The following CABCOCO1 variants were observed in gnomAD, a reference collection of about 807,000 sequenced individuals.
The protein encoded by CABCOCO1 is ciliary-associated calcium-binding coiled-coil protein 1.
CABCOCO1 carries 28 observed loss-of-function variants against 35.7 expected under a neutral mutation model. That is an observed-to-expected ratio of 0.78 (90% CI 0.58 to 1.07). The LOEUF is 1.07. Among genes scored for constraint, CABCOCO1 ranks in the 50% least tolerant of loss-of-function variants. CABCOCO1 has a pLI of 0.00. For missense variants in CABCOCO1, 326 were observed against 309.2 expected (o/e 1.05, Z -0.41); for synonymous variants, 95 against 100.1 (o/e 0.95, Z 0.30).
At chr10:61,689,370 T>G (rs754945108) in intron 4 of CABCOCO1, among the ~76,000 whole-genome samples, 1 of 152,206 alleles carries the variant, frequency 6.6e-6, no homozygotes, top group Non-Finnish European at 1.5e-5. Context: ...TGTCAAAAGC[T>G]AAGTTACTTT....
At chr10:61,719,342 TA>T (rs1353965016) in intron 5 of CABCOCO1, among the ~76,000 whole-genome samples, 1 of 152,152 alleles carries the variant, frequency 6.6e-6, no homozygotes, top group Non-Finnish European at 1.5e-5. Flanking sequence ...GAGCAATTAT[TA>T]GGTGCAATAT....
intron 1 of CABCOCO1, among the ~76,000 whole-genome samples, chr10:61,663,824 TAAA>T (rs5785491): frequency 2.0e-5 from 3 of 151,618 alleles, no homozygotes; most frequent in East Asian, 1.9e-4. Flanking sequence ...CCAGATATTA[TAAA>T]AAAAAAAGTT....
intron 2 of CABCOCO1, among the ~76,000 whole-genome samples, chr10:61,673,650 G>C (rs1839426656): frequency 6.6e-6 from 1 of 152,230 alleles, no homozygotes; most frequent in Admixed American, 6.5e-5. Flanking sequence ...AATCCGAGAA[G>C]GGAAGGTTTA....
At chr10:61,681,356 C>G in intron 3 of CABCOCO1, 44 bp downstream of exon 3, 2 of 1,375,482 alleles carry the variant, frequency 1.5e-6, no homozygotes, top group Non-Finnish European at 1.0e-6. Flanking sequence ...ATTTAATTTA[C>G]CATATAAATT....
chr10:61,729,225 A>ATT (rs571050796), intron 5 of CABCOCO1, among the ~76,000 whole-genome samples: 131 of 152,300 alleles, frequency 8.6e-4, no homozygotes, highest in Non-Finnish European at 1.6e-3. Flanking sequence ...TGAGATTCTG[A>ATT]TTACTATAAT....
At chr10:61,667,217 T>C (rs1298182670) in intron 1 of CABCOCO1, among the ~76,000 whole-genome samples, 1 of 147,280 alleles carries the variant, frequency 6.8e-6, no homozygotes, top group South Asian at 2.1e-4. Context: ...TATATGTTTA[T>C]TATATACATT....
chr10:61,684,428 A>C (rs553911378), intron 3 of CABCOCO1, among the ~76,000 whole-genome samples: 2 of 152,226 alleles, frequency 1.3e-5, no homozygotes, highest in Non-Finnish European at 2.9e-5. Context: ...TAGAGCACTT[A>C]CACCCCAGTG....
At chr10:61,692,624 A>G (rs1200719988) in intron 5 of CABCOCO1, among the ~76,000 whole-genome samples, 1 of 152,142 alleles carries the variant, frequency 6.6e-6, no homozygotes. Context: ...TCTGGGATTT[A>G]TAAATTACTT....
intron 5 of CABCOCO1, among the ~76,000 whole-genome samples, chr10:61,724,833 G>A (rs151065444): frequency 9.5e-4 from 145 of 152,176 alleles, no homozygotes; most frequent in Non-Finnish European, 1.5e-3. Context: ...TAGGGGGGAG[G>A]GATAGCATTA....
intron 1 of CABCOCO1, among the ~76,000 whole-genome samples, chr10:61,669,637 G>T (rs1292663834): frequency 6.6e-6 from 1 of 151,992 alleles, no homozygotes; most frequent in East Asian, 1.9e-4. Flanking sequence ...AAAAAATCCA[G>T]AGGCAAACTC....
intron 5 of CABCOCO1, among the ~76,000 whole-genome samples, chr10:61,759,725 C>T (rs989712027): frequency 1.3e-5 from 2 of 151,974 alleles, no homozygotes; most frequent in African/African-American, 4.8e-5. Flanking sequence ...CACAGAGCAT[C>T]TAAAACTTGG....
intron 2 of CABCOCO1, among the ~76,000 whole-genome samples, chr10:61,676,885 C>A (rs1839527117): frequency 6.6e-6 from 1 of 151,748 alleles, no homozygotes; most frequent in South Asian, 2.1e-4. Context: ...CACGGTGAAA[C>A]CCCATCTCTA....
At chr10:61,707,821 G>C (rs754593799) in intron 5 of CABCOCO1, among the ~76,000 whole-genome samples, 12 of 152,096 alleles carry the variant, frequency 7.9e-5, no homozygotes, top group Admixed American at 1.3e-4. Context: ...ACACAAAAAA[G>C]TGTGGAGAAT....
chr10:61,677,869 A>G (rs1308647161), intron 2 of CABCOCO1, among the ~76,000 whole-genome samples: 1 of 104,068 alleles, frequency 9.6e-6, no homozygotes, highest in Non-Finnish European at 1.8e-5. Flanking sequence ...ATGTAGTTAG[A>G]TTGTCTCTGG....
At chr10:61,677,809 G>GT (rs1839565266) in intron 2 of CABCOCO1, among the ~76,000 whole-genome samples, 1 of 97,706 alleles carries the variant, frequency 1.0e-5, no homozygotes, top group African/African-American at 4.5e-5. Context: ...GGTTTTTTGG[G>GT]TGTTTTTTTT....
chr10:61,681,195 G>A lies in CABCOCO1; in HGVS notation c.217G>A (p.Ala73Thr). 1 of 1,517,718 alleles carries A rather than the reference G, an allele frequency of 6.6e-7. No individual in the cohort carries two copies. The highest frequency in any genetic ancestry group is 8.9e-7 in the Non-Finnish European group (1 of 1,125,142). 94.0% of individuals were successfully genotyped at this position (1,517,718 alleles called of 1,614,324 possible). ...AAACCTTGAAACTTGTTTAAAGGAT[G>A]CCATTCTACTAGATTATTATGTATC... ...FKNLETCLKD[A>T]ILLDYYVSGF... The change falls in exon 3 of 8, where the codon GCC becomes ACC. Residue 73 changes from alanine (A) to threonine (T), a missense_variant. Coordinates refer to ENST00000648843, the MANE Select transcript of CABCOCO1 (RefSeq NM_001366906.2).
intron 5 of CABCOCO1, among the ~76,000 whole-genome samples, chr10:61,742,940 C>T (rs970090225): frequency 6.6e-6 from 1 of 152,100 alleles, no homozygotes; most frequent in African/African-American, 2.4e-5. Flanking sequence ...TGAATTTACC[C>T]AATTCTTTAC....
chr10:61,746,910 C>T (rs934865241), intron 5 of CABCOCO1, among the ~76,000 whole-genome samples: 32 of 152,044 alleles, frequency 2.1e-4, no homozygotes, highest in African/African-American at 7.0e-4. Flanking sequence ...TGTAGCTCAG[C>T]TTTATTTTGC....
intron 5 of CABCOCO1, among the ~76,000 whole-genome samples, chr10:61,691,486 T>C (rs983425478): frequency 6.6e-6 from 1 of 152,146 alleles, no homozygotes; most frequent in Non-Finnish European, 1.5e-5. Context: ...TTTTACTTTA[T>C]TTTGTTTTAT....
Sources: allele counts gnomAD v4.1 joint callset (sites outside exome capture counted in the v4.1 genomes callset), GRCh38; gene constraint gnomAD v4.1.1; transcripts MANE v1.5; gene names NCBI Gene and HGNC (gene_info 2026-07-23, HGNC 2026-07-21).